CDH13: variants seen among roughly 807,000 people sequenced by gnomAD.
CDH13 encodes cadherin-13.
Under a neutral mutation model 63.8 loss-of-function variants are expected in CDH13, and 24 were observed. The observed-to-expected ratio is 0.38, with a 90% CI of 0.27 to 0.53. CDH13 has a LOEUF of 0.53. Among genes scored for constraint, CDH13 ranks in the 20% least tolerant of loss-of-function variants. The pLI is 0.85. For synonymous variants in CDH13, 503 were observed against 355.3 expected, an observed-to-expected ratio of 1.42 and a Z score of -4.67; for missense variants, 1,049 against 903.1, an observed-to-expected ratio of 1.16 and a Z score of -2.07.
At chr16:83,356,041 A>C (rs2091047037) in intron 6 of CDH13, among the ~76,000 whole-genome samples, 2 of 152,066 alleles carry the variant, frequency 1.3e-5, no homozygotes, top group African/African-American at 2.4e-5. Flanking sequence ...TCAGATCGAA[A>C]CTCAGACCTG....
chr16:82,836,184 T>G (rs1050269656), intron 1 of CDH13, among the ~76,000 whole-genome samples: 2 of 152,166 alleles, frequency 1.3e-5, no homozygotes, highest in African/African-American at 4.8e-5. Flanking sequence ...TGGAGTGCAT[T>G]GGCGCCCAGG....
intron 2 of CDH13, among the ~76,000 whole-genome samples, chr16:82,880,335 C>A (rs2040655966): frequency 1.3e-5 from 2 of 152,052 alleles, no homozygotes; most frequent in African/African-American, 4.8e-5. Context: ...ATTAGACTGT[C>A]TCTCGTTTCA....
intron 1 of CDH13, among the ~76,000 whole-genome samples, chr16:82,840,069 T>C (rs2038941146): frequency 6.6e-6 from 1 of 152,156 alleles, no homozygotes; most frequent in Non-Finnish European, 1.5e-5. Context: ...TTTTCCTTTT[T>C]AGTTCAAAAC....
intron 2 of CDH13, among the ~76,000 whole-genome samples, chr16:83,000,247 T>A (rs1912743352): frequency 8.0e-6 from 1 of 125,134 alleles, no homozygotes; most frequent in Non-Finnish European, 1.7e-5. Flanking sequence ...TTTTTTTTTT[T>A]TTTTTTTTTT....
At chr16:83,573,106 C>T (rs541173340) in intron 7 of CDH13, among the ~76,000 whole-genome samples, 46 of 152,170 alleles carry the variant, frequency 3.0e-4, no homozygotes, top group Non-Finnish European at 5.7e-4. Flanking sequence ...TGACTGTGCA[C>T]AATGCAGTAA....
At chr16:83,097,327 C>T (rs1234505187) in intron 3 of CDH13, among the ~76,000 whole-genome samples, 1 of 152,142 alleles carries the variant, frequency 6.6e-6, no homozygotes, top group African/African-American at 2.4e-5. Flanking sequence ...AACTTTTGTT[C>T]TTTGTATTCC....
chr16:82,887,747 G>C (rs1345178022), intron 2 of CDH13, among the ~76,000 whole-genome samples: 2 of 152,160 alleles, frequency 1.3e-5, no homozygotes, highest in African/African-American at 4.8e-5. Flanking sequence ...CTTGAACCCT[G>C]CGGATGAGAG....
At chr16:82,932,495 G>T (rs989023099) in intron 2 of CDH13, among the ~76,000 whole-genome samples, 2 of 152,136 alleles carry the variant, frequency 1.3e-5, no homozygotes, top group African/African-American at 2.4e-5. Flanking sequence ...TAAAATAGAG[G>T]ATAGGTCATT....
chr16:83,051,125 A>T (rs1316886660), intron 3 of CDH13, among the ~76,000 whole-genome samples: 1 of 152,186 alleles, frequency 6.6e-6, no homozygotes, highest in Non-Finnish European at 1.5e-5. Context: ...CCCAAAGAAT[A>T]ACTGTGATCA....
At chr16:82,651,868 T>A (rs1910759075) in intron 1 of CDH13, among the ~76,000 whole-genome samples, 1 of 152,218 alleles carries the variant, frequency 6.6e-6, no homozygotes, top group Non-Finnish European at 1.5e-5. Context: ...TAGGACGGGC[T>A]ATTGACATTA....
intron 6 of CDH13, among the ~76,000 whole-genome samples, chr16:83,445,567 A>G (rs1233322137): frequency 1.3e-5 from 2 of 152,212 alleles, no homozygotes; most frequent in East Asian, 3.9e-4. Context: ...AGGCGCAACC[A>G]GAAGATAGCA....
chr16:83,390,621 C>G (rs75355133), intron 6 of CDH13, among the ~76,000 whole-genome samples: 1 of 152,042 alleles, frequency 6.6e-6, no homozygotes, highest in Non-Finnish European at 1.5e-5. Flanking sequence ...GCCAGGAGTC[C>G]TGCTGATCCC....
At chr16:82,957,157 C>T (rs560581298) in intron 2 of CDH13, among the ~76,000 whole-genome samples, 1 of 152,142 alleles carries the variant, frequency 6.6e-6, no homozygotes, top group Admixed American at 6.5e-5. Context: ...GAGCCATATC[C>T]CTTCTCTTGA....
Position 82,956,402 on chromosome 16 carries a change from G to C in CDH13, c.158-75608G>C, listed in dbSNP as rs557622116. 1.7e-4 allele frequency among the ~76,000 whole-genome samples: 26 copies of C among 152,018 alleles called. No homozygotes were observed. In the South Asian group the frequency reaches 5.0e-3, roughly 29 times the overall value. On this transcript the variant is annotated intron_variant, in intron 2 of 13. Coordinates refer to ENST00000567109, the MANE Select transcript of CDH13 (RefSeq NM_001257.5). ...ATGGCAGCTGAAGGATTATTTTCAA[G>C]CTCAGATGTATCCTGCCACACCCTT... is the stretch of plus-strand genomic sequence containing the variant.
At chr16:83,717,911 G>C (rs1909163315) in intron 10 of CDH13, 1 of 152,186 alleles carries the variant, frequency 6.6e-6, no homozygotes, top group African/African-American at 2.4e-5. Flanking sequence ...AGAGGCTCAG[G>C]AAAAACAACT....
At chr16:83,606,886 C>T (rs993555492) in intron 8 of CDH13, among the ~76,000 whole-genome samples, 2 of 152,196 alleles carry the variant, frequency 1.3e-5, no homozygotes, top group Middle Eastern at 3.4e-3. Flanking sequence ...CAGCCAGTAA[C>T]AGGAAGTAAG....
At chr16:83,591,813 G>A (rs1039677920) in intron 7 of CDH13, among the ~76,000 whole-genome samples, 7 of 152,302 alleles carry the variant, frequency 4.6e-5, no homozygotes, top group East Asian at 1.9e-4. Context: ...CTTGAAGGTC[G>A]AGAGCGTACT....
intron 1 of CDH13, among the ~76,000 whole-genome samples, chr16:82,845,228 C>G (rs974690485): frequency 3.3e-5 from 5 of 152,158 alleles, no homozygotes; most frequent in Admixed American, 3.3e-4. Context: ...GGGAATGACT[C>G]TCAGACGTGT....
intron 1 of CDH13, among the ~76,000 whole-genome samples, chr16:82,812,652 T>C (rs1009350723): frequency 6.6e-6 from 1 of 152,040 alleles, no homozygotes. Flanking sequence ...GGAAACCAGA[T>C]GGGAGGGGAA....
Sources: allele counts gnomAD v4.1 joint callset (sites outside exome capture counted in the v4.1 genomes callset), GRCh38; gene constraint gnomAD v4.1.1; transcripts MANE v1.5; gene names NCBI Gene and HGNC (gene_info 2026-07-23, HGNC 2026-07-21).